Variants in PCSK5 observed in about 807,000 individuals in gnomAD.
The protein encoded by PCSK5 is proprotein convertase subtilisin/kexin type 5, also known as prohormone convertase 5.
In PCSK5, 129 loss-of-function variants were observed where a neutral mutation model predicts 233.2. That is an observed-to-expected ratio of 0.55 (90% CI 0.48 to 0.64). The LOEUF is 0.64. PCSK5 is among the 30% of genes least tolerant of loss of function. The pLI is 0.00. For missense variants in PCSK5, 2,076 were observed against 2,430.1 expected, an observed-to-expected ratio of 0.85 and a Z score of 3.06; for synonymous variants, 825 against 879.2, an observed-to-expected ratio of 0.94 and a Z score of 1.09.
chr9:75,914,540 G>A (rs1016741630), intron 1 of PCSK5, among the ~76,000 whole-genome samples: 3 of 152,056 alleles, frequency 2.0e-5, no homozygotes, highest in Non-Finnish European at 2.9e-5. Flanking sequence ...TTGGGAGCAA[G>A]AATGTCACCT....
chr9:76,316,075 A>T (rs779948567), intron 30 of PCSK5, among the ~76,000 whole-genome samples: 17 of 151,878 alleles, frequency 1.1e-4, no homozygotes, highest in Non-Finnish European at 2.1e-4. Flanking sequence ...ATTAGCATTC[A>T]TCATCTTCAG....
intron 3 of PCSK5, among the ~76,000 whole-genome samples, chr9:75,995,627 C>T (rs1826981949): frequency 6.6e-6 from 1 of 151,940 alleles, no homozygotes; most frequent in Non-Finnish European, 1.5e-5. Context: ...TTACAACTGT[C>T]CTGCTTGGCT....
Position 76,181,447 on chromosome 9 carries a change from C to T in PCSK5, c.2053C>T (p.Arg685Cys), listed in dbSNP as rs758587376. The T allele has an allele frequency of 3.1e-6, 5 of 1,613,910 alleles. No individual in the cohort carries two copies. Among genetic ancestry groups the T allele is most frequent in the African/African-American group, 1.3e-5 (1 of 74,926 alleles). Residue 685 changes from arginine to cysteine, a missense_variant, in exon 16 of 38, where the codon CGC becomes TGC. Around this residue, in one of 6 missense-constraint regions of PCSK5, gnomAD observed 1,510 missense variants for 1,538.1 expected, o/e 0.98. Coordinates refer to ENST00000674117, the MANE Select transcript of PCSK5 (RefSeq NM_001372043.1). The stretch of plus-strand genomic sequence containing the variant: ...TGGCCACTACCACGCCGACAAGAAG[C>T]GCTGCAGGAAGTGTGCCCCCAACTG... ...PPGHYHADKK[R>C]CRKCAPNCES... is the part of the protein sequence containing the mutation.
intron 7 of PCSK5, among the ~76,000 whole-genome samples, chr9:76,090,798 T>C (rs1341040938): frequency 6.6e-6 from 1 of 152,172 alleles, no homozygotes; most frequent in African/African-American, 2.4e-5. Flanking sequence ...TACATTGTAA[T>C]ATAAAATGAA....
chr9:76,292,215 A>AT lies in PCSK5; in HGVS notation c.3143-16dup. 2 of 1,452,908 alleles carry AT rather than the reference A, an allele frequency of 1.4e-6. No individual in the cohort carries two copies. The highest frequency in any genetic ancestry group is 1.9e-6 in the Non-Finnish European group (2 of 1,052,822). 90.0% of individuals were successfully genotyped at this position (1,452,908 alleles called of 1,614,324 possible). ...GAATTCCTCATGATTATTACTTTTTATTATTTTTTTTTTCCAGATGATCCA... is the reference window on the plus strand; with the variant it reads ...GAATTCCTCATGATTATTACTTTTTATTTATTTTTTTTTTCCAGATGATCCA... On this transcript the variant is annotated splice_polypyrimidine_tract_variant and intron_variant, in intron 24 of 37. Coordinates refer to ENST00000674117, the MANE Select transcript of PCSK5 (RefSeq NM_001372043.1).
intron 20 of PCSK5, among the ~76,000 whole-genome samples, chr9:76,197,673 T>C (rs1807686796): frequency 6.6e-6 from 1 of 150,954 alleles, no homozygotes; most frequent in Admixed American, 6.6e-5. Context: ...TTGGAGGCAA[T>C]TTTAAACTAT....
chr9:76,187,670 G>C (rs1200738218), intron 17 of PCSK5, among the ~76,000 whole-genome samples: 1 of 152,010 alleles, frequency 6.6e-6, no homozygotes, highest in African/African-American at 2.4e-5. Context: ...GCCAAATATA[G>C]TAAAAATTTT....
chr9:76,256,491 G>T (rs1205334466), intron 24 of PCSK5, among the ~76,000 whole-genome samples: 1 of 152,208 alleles, frequency 6.6e-6, no homozygotes, highest in Non-Finnish European at 1.5e-5. Flanking sequence ...GCAATGTGGG[G>T]TCTGTGACAT....
At chr9:76,104,526 C>G (rs7021825) in intron 8 of PCSK5, among the ~76,000 whole-genome samples, 32,367 of 152,120 alleles carry the variant, frequency 0.21, 3,684 homozygotes, top group East Asian at 0.37. Flanking sequence ...TACTAAGTAG[C>G]TTTATATTAA....
At chr9:75,949,242 C>T (rs1035950664) in intron 2 of PCSK5, among the ~76,000 whole-genome samples, 2 of 151,580 alleles carry the variant, frequency 1.3e-5, no homozygotes, top group African/African-American at 4.9e-5. Flanking sequence ...TATACCTAAA[C>T]AATTTTAAGA....
rs11144799 is a variant in PCSK5, at chr9:76,216,869, G to A, written c.2627-10634G>A. ...TTTTTTTGTTTGTTTTTGAGATGGC[G>A]TCTCGCTGTCACCCAGGCTGGAGTG... On this transcript the variant is annotated intron_variant, in intron 20 of 37. Transcript: ENST00000674117. 1.3e-3 allele frequency among the ~76,000 whole-genome samples: 202 copies of A among 152,208 alleles called. 5 individuals are homozygous for A. The East Asian group carries it at 0.035, about 26-fold the overall frequency.
At chr9:76,128,134 C>G (rs1191056422) in intron 9 of PCSK5, among the ~76,000 whole-genome samples, 1 of 152,116 alleles carries the variant, frequency 6.6e-6, no homozygotes, top group Non-Finnish European at 1.5e-5. Flanking sequence ...TGGGACAGCC[C>G]ACAAAATGAG....
rs543002789 is a variant in PCSK5 at position 75,928,795 on chromosome 9, C to T, written c.193-3584C>T. 2.0e-5 allele frequency among the ~76,000 whole-genome samples: 3 copies of T among 151,456 alleles called. No individual in the cohort carries two copies. The South Asian group carries it at 6.3e-4, about 32-fold the overall frequency. On this transcript the variant is annotated intron_variant, in intron 1 of 37. Coordinates refer to ENST00000674117, the MANE Select transcript of PCSK5 (RefSeq NM_001372043.1). The stretch of plus-strand genomic sequence containing the variant: ...TTTCAGAACCTTGGAAGAGTTGGTA[C>T]TGCAATTAAGGTAGAACTAAACCAT...
intron 1 of PCSK5, among the ~76,000 whole-genome samples, chr9:75,907,883 G>A (rs541867461): frequency 6.6e-5 from 10 of 152,302 alleles, no homozygotes; most frequent in African/African-American, 2.2e-4. Context: ...CGCGTGAAAG[G>A]TCCTAAAAGA....
chr9:75,901,113 C>A (rs1826012713), intron 1 of PCSK5, among the ~76,000 whole-genome samples: 1 of 152,102 alleles, frequency 6.6e-6, no homozygotes, highest in African/African-American at 2.4e-5. Flanking sequence ...ATAGAGTGGC[C>A]TCAATCTCAG....
chr9:76,324,645 TCTG>T (rs1829306705), intron 32 of PCSK5, among the ~76,000 whole-genome samples: 2 of 152,274 alleles, frequency 1.3e-5, no homozygotes, highest in South Asian at 4.1e-4. Context: ...CAAGAAAGGA[TCTG>T]CTATTATTTA....
intron 24 of PCSK5, among the ~76,000 whole-genome samples, chr9:76,283,739 G>C (rs185662187): frequency 1.9e-3 from 285 of 152,202 alleles, no homozygotes; most frequent in African/African-American, 6.1e-3. Flanking sequence ...AGTTTGCTCC[G>C]GGGAATAAAT....
chr9:76,348,289 T>TAGTCCC (rs1830031198), intron 35 of PCSK5, among the ~76,000 whole-genome samples: 1 of 152,180 alleles, frequency 6.6e-6, no homozygotes, highest in Admixed American at 6.5e-5. Flanking sequence ...TGCACACCTG[T>TAGTCCC]AGTCCCAGCT....
At chr9:75,950,657 C>A (rs540837235) in intron 2 of PCSK5, among the ~76,000 whole-genome samples, 1 of 152,168 alleles carries the variant, frequency 6.6e-6, no homozygotes, top group Admixed American at 6.5e-5. Flanking sequence ...TTTGTCACCA[C>A]CAGGCCTGCC....
Sources: gnomAD v4.1 joint callset for allele counts (sites outside exome capture counted in the v4.1 genomes callset) on GRCh38, gnomAD v4.1.1 for gene constraint, gnomAD v4.1.1 regional missense constraint, MANE v1.5 for transcripts, NCBI Gene and HGNC (gene_info 2026-07-23, HGNC 2026-07-21) for gene names.